UNC5A: variants seen among roughly 807,000 people sequenced by gnomAD.
UNC5A encodes the protein unc-5 netrin receptor A.
In UNC5A, 20 loss-of-function variants were observed where a neutral mutation model predicts 87.4. That is an observed-to-expected ratio of 0.23 (90% CI 0.16 to 0.33). The LOEUF is 0.33. UNC5A is among the 10% of genes least tolerant of loss of function. UNC5A has a pLI of 1.00. For missense variants in UNC5A, 844 were observed against 1,133.4 expected (o/e 0.74, Z 3.67); for synonymous variants, 438 against 482.3 (o/e 0.91, Z 1.20).
chr5:176,812,560 G>A (rs535820520), intron 1 of UNC5A, among the ~76,000 whole-genome samples: 12 of 152,316 alleles, frequency 7.9e-5, no homozygotes, highest in African/African-American at 2.6e-4. Context: ...AGATAAGGGG[G>A]CACAGGTACC....
chr5:176,877,820 C>A, intron 10 of UNC5A, 74 bp from the exon 11 acceptor site: 2 of 1,522,026 alleles, frequency 1.3e-6, no homozygotes, highest in Non-Finnish European at 1.8e-6. Flanking sequence ...CAGTCTCCGG[C>A]CACTTCTTGA....
chr5:176,822,746 G>A (rs1756757544), intron 1 of UNC5A, among the ~76,000 whole-genome samples: 1 of 152,224 alleles, frequency 6.6e-6, no homozygotes, highest in African/African-American at 2.4e-5. Flanking sequence ...GCCAGAACAG[G>A]AGAGGGACTC....
intron 1 of UNC5A, among the ~76,000 whole-genome samples, chr5:176,855,389 T>C (rs1266730702): frequency 6.6e-6 from 1 of 152,164 alleles, no homozygotes; most frequent in African/African-American, 2.4e-5. Flanking sequence ...GGCCTGCAAG[T>C]CCTTCTGGGA....
intron 1 of UNC5A, among the ~76,000 whole-genome samples, chr5:176,850,532 G>A (rs367883868): frequency 5.9e-5 from 9 of 152,194 alleles, no homozygotes; most frequent in East Asian, 3.9e-4. Context: ...AAGGAGAGTC[G>A]GGATGGCGCA....
chr5:176,878,483 C>T lies in UNC5A; in HGVS notation c.2028C>T (p.Pro676=). 1 of 1,612,672 alleles carries T rather than the reference C, an allele frequency of 6.2e-7. No individual in the cohort carries two copies. Among genetic ancestry groups the T allele is most frequent in the East Asian group, 2.2e-5 (1 of 44,854 alleles). Residue 676 remains proline (P), a synonymous_variant, in exon 13 of 15, where the codon CCC becomes CCT. Coordinates refer to ENST00000329542, the MANE Select transcript of UNC5A (RefSeq NM_133369.3). The part of the protein sequence containing the change: ...SKLLVSYQEI[P]FYHIWNGTQR... ...CTCTGCATCCCCATCAGGAGATCCCCTTTTATCACATCTGGAATGGCACGC... is the reference window on the plus strand; with the variant it reads ...CTCTGCATCCCCATCAGGAGATCCCTTTTTATCACATCTGGAATGGCACGC...
rs905705632 is a variant in UNC5A at position 176,879,704 on chromosome 5, C to A, written c.2364-17C>A. 1 of 1,610,604 alleles carries A rather than the reference C, an allele frequency of 6.2e-7. No homozygotes were observed. The highest frequency in any genetic ancestry group is 8.5e-7 in the Non-Finnish European group (1 of 1,178,772). On this transcript the variant is annotated splice_polypyrimidine_tract_variant and intron_variant, in intron 14 of 14. Transcript: ENST00000329542. ...GGGGCCAGGCCAGGCTGCTGACGGC[C>A]CCCCTCCCCTCCACAGCCATCTCAG...
intron 1 of UNC5A, among the ~76,000 whole-genome samples, chr5:176,812,533 C>T (rs754166128): frequency 5.9e-5 from 9 of 152,166 alleles, no homozygotes; most frequent in Non-Finnish European, 1.3e-4. Context: ...TGTGCAGTTG[C>T]ACAGGTGAGC....
chr5:176,853,629 G>A (rs141400718), intron 1 of UNC5A, among the ~76,000 whole-genome samples: 82 of 152,320 alleles, frequency 5.4e-4, no homozygotes, highest in African/African-American at 1.4e-3. Flanking sequence ...AGCGTAGGTC[G>A]GGGGAGCAGC....
chr5:176,860,653 C>T (rs953737248), intron 1 of UNC5A, among the ~76,000 whole-genome samples: 9 of 152,180 alleles, frequency 5.9e-5, no homozygotes, highest in Non-Finnish European at 1.0e-4. Flanking sequence ...TTGGTCCCAC[C>T]CCCCAGCGTC....
At chr5:176,870,127 C>T (rs1758073869) in intron 5 of UNC5A, among the ~76,000 whole-genome samples, 1 of 152,294 alleles carries the variant, frequency 6.6e-6, no homozygotes, top group East Asian at 1.9e-4. Flanking sequence ...GGACAGCCTC[C>T]CTGGTGTGGA....
At position 176,868,112 on chromosome 5, in the gene UNC5A, T is replaced by C; in HGVS notation, c.293-18T>C. The C allele has an allele frequency of 6.2e-7, 1 of 1,607,710 alleles. No homozygotes were observed. Among genetic ancestry groups the C allele is most frequent in the East Asian group, 2.2e-5 (1 of 44,634 alleles). On this transcript the variant is annotated intron_variant, in intron 2 of 14. Coordinates refer to ENST00000329542, the MANE Select transcript of UNC5A (RefSeq NM_133369.3). ...GGGTGGCCCTGGGGCTCTGACTACC[T>C]GCCCCTCCCGCCCCCAGGGCTGCCC...
At position 176,841,367 on chromosome 5, in the gene UNC5A, C is replaced by G. The variant is rs192821462; in HGVS notation, c.71-21257C>G. ...CAGAGCTGTGCCCACCACCCCAGAG[C>G]TGCACCCAGGGCTGAGCCTAGAAGA... is the stretch of plus-strand genomic sequence containing the variant. On this transcript the variant is annotated intron_variant, in intron 1 of 14. Transcript: ENST00000329542. The surrounding 1 kb of genome is among the most constrained non-coding windows in gnomAD (Gnocchi z 4.1). Among the ~76,000 whole-genome samples the G allele has an allele frequency of 1.8e-3, 271 of 152,340 alleles. No homozygotes were observed. The highest frequency in any genetic ancestry group is 6.3e-3 in the African/African-American group (261 of 41,576).
At chr5:176,855,292 C>T (rs1427467520) in intron 1 of UNC5A, among the ~76,000 whole-genome samples, 1 of 152,240 alleles carries the variant, frequency 6.6e-6, no homozygotes, top group South Asian at 2.1e-4. Context: ...GGGCTCCATG[C>T]CCACGGCTCC....
intron 1 of UNC5A, among the ~76,000 whole-genome samples, chr5:176,823,911 C>T (rs1184852065): frequency 1.3e-5 from 2 of 152,186 alleles, no homozygotes; most frequent in Non-Finnish European, 2.9e-5. Context: ...TGCTGAAATA[C>T]TTTCTCAGGG....
intron 2 of UNC5A, among the ~76,000 whole-genome samples, chr5:176,864,600 C>A (rs1448742474): frequency 6.6e-6 from 1 of 152,194 alleles, no homozygotes; most frequent in Non-Finnish European, 1.5e-5. Context: ...TCCAACCAGC[C>A]CTTCTCGTCT....
intron 1 of UNC5A, among the ~76,000 whole-genome samples, chr5:176,811,083 T>G (rs1490296357): frequency 6.6e-6 from 1 of 151,862 alleles, no homozygotes; most frequent in Admixed American, 6.6e-5. Flanking sequence ...CGCCTCCGGG[T>G]GGGGGAAGTT....
At chr5:176,876,014 C>T (rs1378905602) in intron 8 of UNC5A, among the ~76,000 whole-genome samples, 1 of 152,260 alleles carries the variant, frequency 6.6e-6, no homozygotes, top group African/African-American at 2.4e-5. Flanking sequence ...TTGCTCTTCG[C>T]TCCCCAGGCC....
In UNC5A at chr5:176,833,857, C is replaced by A. The variant is rs549138444; in HGVS notation, c.70+23037C>A. 4.6e-5 allele frequency among the ~76,000 whole-genome samples: 7 copies of A among 152,022 alleles called. No homozygotes were observed. The South Asian group carries it at 1.5e-3, about 32-fold the overall frequency. ...CCGAGTAGCTGGGACTACAGGCGCCCACCACTACGCCCAGCTCATTTTTGT... is the reference window on the plus strand; with the variant it reads ...CCGAGTAGCTGGGACTACAGGCGCCAACCACTACGCCCAGCTCATTTTTGT... On this transcript the variant is annotated intron_variant, in intron 1 of 14. Coordinates refer to ENST00000329542, the MANE Select transcript of UNC5A (RefSeq NM_133369.3).
At chr5:176,822,908 C>T (rs750490609) in intron 1 of UNC5A, among the ~76,000 whole-genome samples, 1 of 152,042 alleles carries the variant, frequency 6.6e-6, no homozygotes, top group Non-Finnish European at 1.5e-5. Flanking sequence ...TGCCAGCAAG[C>T]GACAGGGCTG....
Sources: allele counts gnomAD v4.1 joint callset (sites outside exome capture counted in the v4.1 genomes callset), GRCh38; gene constraint gnomAD v4.1.1; non-coding constraint Gnocchi (gnomAD v3.1); transcripts MANE v1.5; gene names NCBI Gene and HGNC (gene_info 2026-07-23, HGNC 2026-07-21).